Variants in TDO2 observed in about 807,000 individuals in gnomAD.
TDO2 encodes the protein tryptophan 2,3-dioxygenase, also known as tryptamin 2,3-dioxygenase.
A neutral mutation model predicts 61.2 loss-of-function variants in TDO2; 63 were observed. The observed-to-expected ratio is 1.03, with a 90% CI of 0.84 to 1.27. TDO2 has a LOEUF of 1.27. TDO2 is among the 50% of genes most tolerant of loss of function. The probability of loss-of-function intolerance (pLI) is 0.00; values close to 1 mark genes in which losing one functional copy is unlikely to be tolerated. For synonymous variants in TDO2, 183 were observed against 164.0 expected, an observed-to-expected ratio of 1.12 and a Z score of -0.89; for missense variants, 494 against 469.5, an observed-to-expected ratio of 1.05 and a Z score of -0.48.
chr4:155,907,131 C>G (rs1175761613), intron 3 of TDO2: 1 of 152,160 alleles, frequency 6.6e-6, no homozygotes, highest in African/African-American at 2.4e-5. Flanking sequence ...ACAAAGTTCC[C>G]CCGGGAATTA....
At chr4:155,914,706 A>C (rs2110880238) in intron 8 of TDO2, among the ~76,000 whole-genome samples, 1 of 152,270 alleles carries the variant, frequency 6.6e-6, no homozygotes, top group Middle Eastern at 3.4e-3. Flanking sequence ...TTTCTCAAGT[A>C]GTTCACAGCC....
chr4:155,906,554 C>T (rs1361277584), intron 3 of TDO2: 1 of 152,076 alleles, frequency 6.6e-6, no homozygotes, highest in African/African-American at 2.4e-5. Context: ...ATTACATTGT[C>T]TATTTAATTT....
chr4:155,918,375 T>A, intron 11 of TDO2, 136 bp downstream of exon 11: 1 of 687,350 alleles, frequency 1.5e-6, no homozygotes, highest in Non-Finnish European at 2.5e-6. Context: ...GTAGTTAGAA[T>A]ATTCCAGTTC....
chr4:155,914,650 A>G (rs13152449), intron 8 of TDO2, among the ~76,000 whole-genome samples: 15,948 of 152,178 alleles, frequency 0.1, 946 homozygotes, highest in South Asian at 0.17. Context: ...AAAAAAATTT[A>G]TAGTCTCTGC....
rs28538165 is a variant in TDO2 at position 155,912,229 on chromosome 4, C to T, written c.726+625C>T. ...ATGTGACAGAGAACAAGTGACTGCA[C>T]CTCTCTTAGCCTATCTTTCAGCATT... On this transcript the variant is annotated intron_variant, in intron 7 of 11. Transcript: ENST00000536354. 8.2e-3 allele frequency among the ~76,000 whole-genome samples: 1,252 copies of T among 152,240 alleles called. 16 individuals carry two copies. Among genetic ancestry groups the T allele is most frequent in the African/African-American group, 0.029 (1,200 of 41,542 alleles).
Position 155,915,592 on chromosome 4 carries a change from C to T in TDO2, c.839-263C>T, listed in dbSNP as rs561177032. ...AAAGTCAAGTGTTTTCTAGAAAAATCAGGTTTTCCTAACATGCTATTTGAA... is the reference window on the plus strand; with the variant it reads ...AAAGTCAAGTGTTTTCTAGAAAAATTAGGTTTTCCTAACATGCTATTTGAA... On this transcript the variant is annotated intron_variant, in intron 8 of 11. Transcript: ENST00000536354. Among the ~76,000 whole-genome samples, 10 of 152,184 alleles carry T rather than the reference C, an allele frequency of 6.6e-5. No individual in the cohort carries two copies. The South Asian group carries it at 2.1e-3, about 32-fold the overall frequency.
chr4:155,907,859 G>C lies in TDO2; in HGVS notation c.303+67G>C, dbSNP rs902836438. 5 of 1,264,840 alleles carry C rather than the reference G, an allele frequency of 4.0e-6. No individual in the cohort carries two copies. The East Asian group carries it at 1.2e-4, about 30-fold the overall frequency. The allele number at this position is 1,264,840 out of a possible 1,614,324, so 78.4% of individuals were successfully genotyped here. ...GGAAGATATGGAAAGTATTATTAAT[G>C]AGAGAAAAACATTAACACCAAATGG... On this transcript the variant is annotated intron_variant, in intron 4 of 11. Transcript: ENST00000536354.
chr4:155,903,937 G>A, intron 1 of TDO2, 81 bp from the exon 2 acceptor site: 4 of 1,501,314 alleles, frequency 2.7e-6, no homozygotes, highest in Non-Finnish European at 3.7e-6. Context: ...AATTTGCAAT[G>A]AGAATTTTAA....
chr4:155,914,219 C>T, intron 7 of TDO2, 104 bp from the exon 8 acceptor site: 1 of 739,492 alleles, frequency 1.4e-6, no homozygotes. Context: ...ATTAAAAGTA[C>T]ATCATTTCTG....
At position 155,920,018 on chromosome 4, in the gene TDO2, C is replaced by T; in HGVS notation, c.*28C>T. 6.2e-7 allele frequency: 1 copy of T among 1,602,560 alleles called. No individual in the cohort carries two copies. On this transcript the variant is annotated 3_prime_UTR_variant, in exon 12 of 12. Transcript: ENST00000536354. ...TCGTCTGCAAAATCTATGAAGAATA[C>T]TGGTTTCACAGCCTATTTTTTATTT... is the stretch of plus-strand genomic sequence containing the variant.
At chr4:155,905,271 A>G (rs1451591106) in intron 3 of TDO2, 114 bp downstream of exon 3, 1 of 821,252 alleles carries the variant, frequency 1.2e-6, no homozygotes, top group African/African-American at 1.8e-5. Context: ...CACCTCTGTT[A>G]GAAATGTTTG....
intron 3 of TDO2, chr4:155,906,514 A>G (rs1226798760): frequency 2.0e-5 from 3 of 152,146 alleles, no homozygotes; most frequent in African/African-American, 7.2e-5. Flanking sequence ...GAAGATCTCT[A>G]AGATTATTGA....
chr4:155,904,036 C>A lies in TDO2; in HGVS notation c.54C>A (p.Leu18=). Residue 18 remains leucine (L), a synonymous_variant, in exon 2 of 12, where the codon CTC becomes CTA. Coordinates refer to ENST00000536354, the MANE Select transcript of TDO2 (RefSeq NM_005651.4). ...TTTGCAGATATACTTTTAAAAAACT[C>A]CCCGTAGAAGGCAGCGAAGAAGACA... ...GNNFGYTFKK[L]PVEGSEEDKS... is the part of the protein sequence containing the mutation. The A allele has an allele frequency of 1.2e-6, 2 of 1,613,890 alleles. No homozygotes were observed. Among genetic ancestry groups the A allele is most frequent in the Non-Finnish European group, 1.7e-6 (2 of 1,179,964 alleles).
At chr4:155,910,361 T>C in intron 6 of TDO2, 150 bp downstream of exon 6, 2 of 593,880 alleles carry the variant, frequency 3.4e-6, no homozygotes, top group Non-Finnish European at 5.5e-6. Flanking sequence ...CATGAATTTG[T>C]AAATTCATGT....
intron 10 of TDO2, among the ~76,000 whole-genome samples, chr4:155,917,901 C>T (rs1356406672): frequency 6.6e-6 from 1 of 152,030 alleles, no homozygotes; most frequent in East Asian, 1.9e-4. Context: ...TGATCCTGGT[C>T]TCTTCTATTG....
intron 11 of TDO2, 130 bp from the exon 12 acceptor site, chr4:155,919,707 A>G: frequency 1.4e-6 from 1 of 731,308 alleles, no homozygotes; most frequent in Non-Finnish European, 2.2e-6. Context: ...TATGATATAT[A>G]CAACATGCAA....
At chr4:155,919,768 T>A in intron 11 of TDO2, 69 bp from the exon 12 acceptor site, 1 of 1,362,934 alleles carries the variant, frequency 7.3e-7, no homozygotes, top group South Asian at 1.5e-5. Flanking sequence ...GAGAAATAAA[T>A]TTTCTAATTG....
chr4:155,911,255 T>C (rs1742824585), intron 6 of TDO2, among the ~76,000 whole-genome samples: 1 of 151,986 alleles, frequency 6.6e-6, no homozygotes, highest in African/African-American at 2.4e-5. Flanking sequence ...TAATCACATA[T>C]TTCTTAAGAA....
rs77984239 is a variant in TDO2, at chr4:155,917,383, T to C, written c.897-12T>C. 2.5e-6 allele frequency: 4 copies of C among 1,600,822 alleles called. No homozygotes were observed. The highest frequency in any genetic ancestry group is 2.6e-6 in the Non-Finnish European group (3 of 1,174,664). On this transcript the variant is annotated splice_polypyrimidine_tract_variant and intron_variant, in intron 9 of 11. Transcript: ENST00000536354. ...TGAATATATTCTTCTTTTTCTTCTTTTTTTCCTTTAGGGAAGAGCCTAGGT... is the reference window on the plus strand; with the variant it reads ...TGAATATATTCTTCTTTTTCTTCTTCTTTTCCTTTAGGGAAGAGCCTAGGT...
Sources: allele counts gnomAD v4.1 joint callset (sites outside exome capture counted in the v4.1 genomes callset), GRCh38; gene constraint gnomAD v4.1.1; transcripts MANE v1.5; gene names NCBI Gene and HGNC (gene_info 2026-07-23, HGNC 2026-07-21).